Variants in SNTG2 observed in about 807,000 individuals in gnomAD.
The protein encoded by SNTG2 is syntrophin gamma 2.
SNTG2 carries 74 observed loss-of-function variants against 70.9 expected under a neutral mutation model. That is an observed-to-expected ratio of 1.04 (90% CI 0.86 to 1.27). SNTG2 has a LOEUF of 1.27. Ranked by LOEUF, SNTG2 falls within the 50% of genes most tolerant of loss-of-function variation. The probability of loss-of-function intolerance (pLI) is 0.00; values close to 1 mark genes in which losing one functional copy is unlikely to be tolerated. For missense variants in SNTG2, 717 were observed against 690.7 expected (o/e 1.04, Z -0.43); for synonymous variants, 278 against 273.8 (o/e 1.02, Z -0.15).
chr2:992,159 G>A (rs765623426), intron 1 of SNTG2, among the ~76,000 whole-genome samples: 9 of 152,004 alleles, frequency 5.9e-5, no homozygotes, highest in South Asian at 2.1e-4. Context: ...TCAATACTGC[G>A]GAACTGAAAA....
intron 8 of SNTG2, among the ~76,000 whole-genome samples, chr2:1,205,964 C>T (rs1176377552): frequency 6.6e-6 from 1 of 152,122 alleles, no homozygotes; most frequent in African/African-American, 2.4e-5. Flanking sequence ...AAAACATGTT[C>T]TGTTTTGTTC....
At chr2:1,234,453 A>G (rs1012865573) in intron 9 of SNTG2, among the ~76,000 whole-genome samples, 1 of 152,196 alleles carries the variant, frequency 6.6e-6, no homozygotes, top group Non-Finnish European at 1.5e-5. Context: ...TATGGTACTT[A>G]CGGGCTTACA....
At chr2:1,222,388 T>G (rs1675307000) in intron 9 of SNTG2, among the ~76,000 whole-genome samples, 1 of 152,272 alleles carries the variant, frequency 6.6e-6, no homozygotes, top group African/African-American at 2.4e-5. Flanking sequence ...TGATTTTTCT[T>G]TCCTTTGTGT....
intron 14 of SNTG2, among the ~76,000 whole-genome samples, chr2:1,281,749 G>A (rs576945335): frequency 6.6e-6 from 1 of 152,216 alleles, no homozygotes; most frequent in South Asian, 2.1e-4. Context: ...TGCACCTCAG[G>A]AGACAGCACT....
intron 13 of SNTG2, among the ~76,000 whole-genome samples, chr2:1,264,338 C>A (rs1481086908): frequency 6.6e-6 from 1 of 152,170 alleles, no homozygotes; most frequent in Admixed American, 6.5e-5. Flanking sequence ...ATGTCTTAAT[C>A]ATCCCTGTGG....
intron 12 of SNTG2, among the ~76,000 whole-genome samples, chr2:1,253,863 C>T (rs10189428): frequency 0.27 from 40,813 of 151,604 alleles, 6,005 homozygotes; most frequent in Middle Eastern, 0.35. Context: ...AGAGAGGGAG[C>T]GGGAGGAGAT....
chr2:950,996 G>A lies in SNTG2; in HGVS notation c.-1G>A. On this transcript the variant is annotated 5_prime_UTR_variant, in exon 1 of 17. Coordinates refer to ENST00000308624, the MANE Select transcript of SNTG2 (RefSeq NM_018968.4). ...GCGCGGACCCAGCCGCAGGGGCGGC[G>A]ATGGGCACCGAGGGACCCCCGCCCC... The A allele has an allele frequency of 8.0e-7, 1 of 1,245,458 alleles. No individual in the cohort carries two copies. Among genetic ancestry groups the A allele is most frequent in the African/African-American group, 1.6e-5 (1 of 64,278 alleles). The allele number at this position is 1,245,458 out of a possible 1,614,324, so 77.2% of individuals were successfully genotyped here.
intron 1 of SNTG2, among the ~76,000 whole-genome samples, chr2:1,082,241 C>G (rs1664372142): frequency 6.6e-6 from 1 of 152,088 alleles, no homozygotes; most frequent in South Asian, 2.1e-4. Flanking sequence ...TTTTCTAAAT[C>G]CTTTTGCTAT....
chr2:1,362,538 C>T lies in SNTG2; in HGVS notation c.1489-4805C>T, dbSNP rs1661243436. 2.0e-5 allele frequency among the ~76,000 whole-genome samples: 3 copies of T among 151,914 alleles called. No individual in the cohort carries two copies. The South Asian group carries it at 6.2e-4, about 32-fold the overall frequency. On this transcript the variant is annotated intron_variant, in intron 16 of 16. Transcript: ENST00000308624. The stretch of plus-strand genomic sequence containing the variant: ...TTCAGTAGAACTTCCGTGAAAGTCA[C>T]CAATGCTGAGCATTTCAATAGAACT...
chr2:1,282,592 C>G (rs1558177216), intron 14 of SNTG2, among the ~76,000 whole-genome samples: 1 of 152,202 alleles, frequency 6.6e-6, no homozygotes, highest in Non-Finnish European at 1.5e-5. Context: ...GCAGTATCTG[C>G]AAGGTCCCGC....
In SNTG2 at chr2:1,353,387, CG is replaced by C. The variant is rs1440713232; in HGVS notation, c.1489-13952del. Among the ~76,000 whole-genome samples, 2 of 152,156 alleles carry C rather than the reference CG, an allele frequency of 1.3e-5. No homozygotes were observed. The highest frequency in any genetic ancestry group is 6.5e-5 in the Admixed American group (1 of 15,280). On this transcript the variant is annotated intron_variant, in intron 16 of 16. Transcript: ENST00000308624. The surrounding 1 kb of genome is among the most constrained non-coding windows in gnomAD (Gnocchi z 4.2). ...GCACCGCAAGTGTGGAATTGAGTTC[CG>C]GGGTGTGGCTGTTCCTCGTGATTGT...
rs376428558 is a variant in SNTG2, at chr2:1,155,174, C to CACACACACA, written c.412-10374_412-10373insACACACACA. Among the ~76,000 whole-genome samples, 1,204 of 146,696 alleles carry CACACACACA rather than the reference C, an allele frequency of 8.2e-3. 12 individuals are homozygous for CACACACACA. The highest frequency in any genetic ancestry group is 0.037 in the East Asian group (158 of 4,220). On this transcript the variant is annotated intron_variant, in intron 6 of 16. Coordinates refer to ENST00000308624, the MANE Select transcript of SNTG2 (RefSeq NM_018968.4). ...CCATACACACACACACGTAGACCCC[C>CACACACACA]CCCCCACACACATATATAGACCACA...
intron 10 of SNTG2, among the ~76,000 whole-genome samples, chr2:1,238,650 G>A (rs1676843874): frequency 6.6e-6 from 1 of 152,214 alleles, no homozygotes; most frequent in Non-Finnish European, 1.5e-5. Flanking sequence ...CTCGGACATG[G>A]AGCCGTGGCC....
intron 8 of SNTG2, among the ~76,000 whole-genome samples, chr2:1,186,274 ACTTAG>A (rs1458542169): frequency 6.7e-4 from 102 of 152,318 alleles, no homozygotes; most frequent in African/African-American, 2.4e-3. Flanking sequence ...TTTGGTCACA[ACTTAG>A]CAAGTCTCTA....
At chr2:1,256,199 A>G (rs1292899983) in intron 12 of SNTG2, among the ~76,000 whole-genome samples, 3 of 151,900 alleles carry the variant, frequency 2.0e-5, no homozygotes, top group Non-Finnish European at 4.4e-5. Flanking sequence ...ATCAAGTTCC[A>G]TCGACCGGGT....
chr2:1,352,785 T>C (rs1185079773), intron 16 of SNTG2, among the ~76,000 whole-genome samples: 1 of 152,214 alleles, frequency 6.6e-6, no homozygotes, highest in Non-Finnish European at 1.5e-5. Context: ...ATCTCTGTTT[T>C]CTCATTTGAA....
chr2:1,051,778 C>T (rs542994028), intron 1 of SNTG2, among the ~76,000 whole-genome samples: 2 of 152,356 alleles, frequency 1.3e-5, no homozygotes, highest in South Asian at 4.1e-4. Flanking sequence ...CACACCTGAG[C>T]CTTCAAAGAC....
intron 13 of SNTG2, among the ~76,000 whole-genome samples, chr2:1,265,446 G>T (rs1300653630): frequency 6.6e-6 from 1 of 152,110 alleles, no homozygotes; most frequent in Non-Finnish European, 1.5e-5. Context: ...GTTCTCACGT[G>T]CACACACCAC....
At chr2:957,971 T>C (rs1660227772) in intron 1 of SNTG2, among the ~76,000 whole-genome samples, 1 of 152,196 alleles carries the variant, frequency 6.6e-6, no homozygotes, top group Non-Finnish European at 1.5e-5. Flanking sequence ...AGGGAATATC[T>C]TCTTAGAAAT....
Sources: gnomAD v4.1 joint callset for allele counts (sites outside exome capture counted in the v4.1 genomes callset) on GRCh38, gnomAD v4.1.1 for gene constraint, Gnocchi (gnomAD v3.1) non-coding constraint, MANE v1.5 for transcripts, NCBI Gene and HGNC (gene_info 2026-07-23, HGNC 2026-07-21) for gene names.